Variants in DYSF observed in about 807,000 individuals in gnomAD.
The protein encoded by DYSF is dysferlin.
Under a neutral mutation model 274.9 loss-of-function variants are expected in DYSF, and 212 were observed. That is an observed-to-expected ratio of 0.77 (90% CI 0.69 to 0.86). The LOEUF (loss-of-function observed/expected upper bound fraction) is 0.86, where lower values mean the gene tolerates loss of function less well. Among genes scored for constraint, DYSF ranks in the 40% least tolerant of loss-of-function variants. The pLI is 0.00. For synonymous variants in DYSF, 1,091 were observed against 1,078.7 expected (o/e 1.01, Z -0.22); for missense variants, 2,666 against 2,783.2 (o/e 0.96, Z 0.95).
At chr2:71,459,526 G>A (rs538371241) in intron 1 of DYSF, among the ~76,000 whole-genome samples, 4 of 152,220 alleles carry the variant, frequency 2.6e-5, no homozygotes, top group South Asian at 2.1e-4. Flanking sequence ...GGTGCCAGAC[G>A]GTCAGTGTTA....
At chr2:71,501,460 T>C (rs541427446) in intron 3 of DYSF, among the ~76,000 whole-genome samples, 1 of 152,356 alleles carries the variant, frequency 6.6e-6, no homozygotes, top group East Asian at 1.9e-4. Context: ...TTTGTGAGCA[T>C]ACATTTCAGT....
chr2:71,517,751 G>T (rs1315595366), intron 10 of DYSF, among the ~76,000 whole-genome samples: 1 of 152,134 alleles, frequency 6.6e-6, no homozygotes, highest in Non-Finnish European at 1.5e-5. Flanking sequence ...AATGATATTT[G>T]TATACTAAAG....
At chr2:71,571,479 C>CAG (rs2092446932) in intron 29 of DYSF, among the ~76,000 whole-genome samples, 1 of 99,776 alleles carries the variant, frequency 1.0e-5, no homozygotes, top group Non-Finnish European at 2.0e-5. Context: ...AGCACACACA[C>CAG]ATCACACCCA....
In DYSF at chr2:71,669,666, G is replaced by A. The variant is rs886044266; in HGVS notation, c.5704G>A (p.Gly1902Ser). The change falls in exon 51 of 56, where the codon GGT becomes AGT. Residue 1902 changes from glycine (G) to serine (S), a missense_variant. Physicochemically the swap from Gly to Ser is moderately conservative, Grantham distance 56 (BLOSUM62 0). Coordinates refer to ENST00000410020, the MANE Select transcript of DYSF (RefSeq NM_001130987.2). ...AGACGTGCATTATCGTTCCCTGGGAGGTGAAGGCAACTTCAACTGGAGGTT... is the reference window on the plus strand; with the variant it reads ...AGACGTGCATTATCGTTCCCTGGGAAGTGAAGGCAACTTCAACTGGAGGTT... ...KTDVHYRSLG[G>S]EGNFNWRFIF... The A allele has an allele frequency of 1.9e-6, 3 of 1,614,090 alleles. No homozygotes were observed. The highest frequency in any genetic ancestry group is 3.3e-5 in the Admixed American group (2 of 60,010).
chr2:71,635,447 T>G (rs1013339254), intron 41 of DYSF, among the ~76,000 whole-genome samples: 1 of 151,958 alleles, frequency 6.6e-6, no homozygotes, highest in Admixed American at 6.6e-5. Flanking sequence ...AGGTTATGAG[T>G]GTTACAAAAG....
chr2:71,566,851 GC>G (rs1301304732), intron 24 of DYSF, among the ~76,000 whole-genome samples: 12 of 152,230 alleles, frequency 7.9e-5, no homozygotes, highest in African/African-American at 2.9e-4. Flanking sequence ...CAGGAGGGAA[GC>G]GTGAGGTGGC....
chr2:71,483,606 C>T (rs2083116080), intron 3 of DYSF, among the ~76,000 whole-genome samples: 1 of 152,164 alleles, frequency 6.6e-6, no homozygotes, highest in African/African-American at 2.4e-5. Context: ...CAATGCCAGG[C>T]TGAGGAGAAT....
rs984894707 is a variant in DYSF, at chr2:71,599,054, G to A, written c.3756+309G>A. Among the ~76,000 whole-genome samples, 5 of 152,272 alleles carry A rather than the reference G, an allele frequency of 3.3e-5. No homozygotes were observed. In the South Asian group the frequency reaches 6.2e-4, roughly 19 times the overall value. ...CCCAGGCCAGTCCCTTCTTCTCATCGAGGAGCTGCGTGGAATCCTTAAATG... is the reference window on the plus strand; with the variant it reads ...CCCAGGCCAGTCCCTTCTTCTCATCAAGGAGCTGCGTGGAATCCTTAAATG... On this transcript the variant is annotated intron_variant, in intron 33 of 55. Coordinates refer to ENST00000410020, the MANE Select transcript of DYSF (RefSeq NM_001130987.2).
intron 1 of DYSF, among the ~76,000 whole-genome samples, chr2:71,468,212 G>A (rs575793570): frequency 1.6e-4 from 24 of 152,352 alleles, no homozygotes; most frequent in Middle Eastern, 3.4e-3. Flanking sequence ...AAATTGCGGT[G>A]TCACCATTGG....
intron 3 of DYSF, among the ~76,000 whole-genome samples, chr2:71,487,851 T>C (rs76924526): frequency 0.027 from 4,086 of 152,304 alleles, 88 homozygotes; most frequent in Non-Finnish European, 0.036. Flanking sequence ...AATTTTTCCA[T>C]GGATTAGCTA....
chr2:71,473,918 ATTTTTTTTTTTTT>A (rs10659171), intron 1 of DYSF, among the ~76,000 whole-genome samples: 21 of 83,820 alleles, frequency 2.5e-4, no homozygotes, highest in Non-Finnish European at 4.1e-4. Context: ...TTTCTGTATG[ATTTTTTTTTTTTT>A]TTTTTTTTTT....
chr2:71,562,168 C>T (rs1467117713), intron 23 of DYSF, among the ~76,000 whole-genome samples: 1 of 152,190 alleles, frequency 6.6e-6, no homozygotes, highest in Non-Finnish European at 1.5e-5. Flanking sequence ...AGCACAGAGC[C>T]TGGCACACAA....
chr2:71,666,899 T>C (rs2095023537), intron 47 of DYSF, among the ~76,000 whole-genome samples: 1 of 152,236 alleles, frequency 6.6e-6, no homozygotes, highest in African/African-American at 2.4e-5. Flanking sequence ...TGGCACGTGG[T>C]TCCTGCTCTG....
At chr2:71,617,967 G>A (rs28970442) in intron 40 of DYSF, among the ~76,000 whole-genome samples, 67 of 139,106 alleles carry the variant, frequency 4.8e-4, no homozygotes, top group African/African-American at 1.6e-3. Context: ...GTGTTTGGTA[G>A]AGGTGTTTGT....
intron 41 of DYSF, among the ~76,000 whole-genome samples, chr2:71,640,859 A>G (rs2094475022): frequency 1.3e-5 from 2 of 152,116 alleles, no homozygotes; most frequent in Admixed American, 1.3e-4. Context: ...ATTCTTTGCA[A>G]CACTCATAGA....
upstream of DYSF, among the ~76,000 whole-genome samples, chr2:71,463,095 G>A (rs374239861): frequency 2.9e-4 from 44 of 152,300 alleles, no homozygotes; most frequent in East Asian, 5.6e-3. Context: ...TCAACATGTC[G>A]TCTAGGGCAC....
Position 71,611,307 on chromosome 2 carries a change from T to C in DYSF, c.4020T>C (p.Pro1340=). ...GGGAGGCCAACATCTACATGGTTCC[T>C]CAGAACATCAAGCCAGCGCTCCAGC... is the stretch of plus-strand genomic sequence containing the variant. ...PQREANIYMV[P]QNIKPALQRT... is the part of the protein sequence containing the mutation. Residue 1340 remains proline (P), a synonymous_variant, in exon 37 of 56, where the codon CCT becomes CCC. Coordinates refer to ENST00000410020, the MANE Select transcript of DYSF (RefSeq NM_001130987.2). The C allele has an allele frequency of 6.2e-7, 1 of 1,613,996 alleles. No individual in the cohort carries two copies.
At chr2:71,553,746 C>CA in intron 20 of DYSF, 61 bp from the exon 21 acceptor site, 1 of 885,820 alleles carries the variant, frequency 1.1e-6, no homozygotes, top group Non-Finnish European at 1.7e-6. Context: ...GCACTCTTAG[C>CA]ACCCCATCCC....
At chr2:71,606,510 C>T (rs990871515) in intron 36 of DYSF, among the ~76,000 whole-genome samples, 2 of 152,090 alleles carry the variant, frequency 1.3e-5, no homozygotes, top group Admixed American at 6.5e-5. Flanking sequence ...GTCGCAGCAC[C>T]CTCACTGAGA....
Sources: allele counts gnomAD v4.1 joint callset (sites outside exome capture counted in the v4.1 genomes callset), GRCh38; gene constraint gnomAD v4.1.1; transcripts MANE v1.5; gene names NCBI Gene and HGNC (gene_info 2026-07-23, HGNC 2026-07-21).